Variants in ABCC1 observed in about 807,000 individuals in gnomAD.
The protein encoded by ABCC1 is ATP binding cassette subfamily C member 1 (ABCC1 blood group), also known as multidrug resistance-associated protein 1.
Under a neutral mutation model 172.9 loss-of-function variants are expected in ABCC1, and 83 were observed. That is an observed-to-expected ratio of 0.48 (90% CI 0.40 to 0.58). ABCC1 has a LOEUF of 0.58. ABCC1 is among the 20% of genes least tolerant of loss of function. The pLI is 0.00. For missense variants in ABCC1, 1,817 were observed against 2,002.7 expected (o/e 0.91, Z 1.77); for synonymous variants, 937 against 825.2 (o/e 1.14, Z -2.32).
intron 23 of ABCC1, among the ~76,000 whole-genome samples, chr16:16,119,686 C>T (rs1173679981): frequency 6.6e-6 from 1 of 152,140 alleles, no homozygotes; most frequent in East Asian, 1.9e-4. Context: ...GCGAGACTGT[C>T]TTAAAAAATA....
intron 12 of ABCC1, among the ~76,000 whole-genome samples, chr16:16,060,301 ACTCATGGGGTT>A (rs1431401235): frequency 2.6e-5 from 4 of 152,072 alleles, no homozygotes; most frequent in African/African-American, 9.7e-5. Context: ...ACCCACAGTC[ACTCATGGGGTT>A]CTTTCCCACT....
intron 26 of ABCC1, among the ~76,000 whole-genome samples, chr16:16,128,507 C>T (rs1209530490): frequency 2.0e-5 from 3 of 152,080 alleles, no homozygotes; most frequent in South Asian, 4.1e-4. Flanking sequence ...TTAGAAGGAT[C>T]GTGTTTGACA....
At chr16:15,967,504 A>G (rs1388712705) in intron 1 of ABCC1, among the ~76,000 whole-genome samples, 1 of 151,780 alleles carries the variant, frequency 6.6e-6, no homozygotes, top group Non-Finnish European at 1.5e-5. Context: ...GCACTTAGTG[A>G]TGCTGAAGTG....
At chr16:16,034,836 C>T (rs1348444955) in intron 6 of ABCC1, among the ~76,000 whole-genome samples, 2 of 151,944 alleles carry the variant, frequency 1.3e-5, no homozygotes, top group Non-Finnish European at 2.9e-5. Flanking sequence ...GATCCACCCA[C>T]GTCAGCCTCC....
intron 7 of ABCC1, among the ~76,000 whole-genome samples, chr16:16,039,801 T>C (rs1298486682): frequency 6.6e-6 from 1 of 152,056 alleles, no homozygotes; most frequent in African/African-American, 2.4e-5. Context: ...GAGTGAGCCT[T>C]GTGTGTATCT....
chr16:16,114,760 C>T lies in ABCC1; in HGVS notation c.3080-6C>T. ...ATTGTGGAGTTTTAACTCCGAGTGT[C>T]TGCAGGGATCGCCGTGTTTGGCTAC... On this transcript the variant is annotated splice_region_variant and splice_polypyrimidine_tract_variant and intron_variant, in intron 22 of 30. Transcript: ENST00000399410. The T allele has an allele frequency of 1.3e-6, 2 of 1,587,046 alleles. No individual in the cohort carries two copies. Among genetic ancestry groups the T allele is most frequent in the East Asian group, 4.5e-5 (2 of 44,346 alleles).
Position 16,136,537 on chromosome 16 carries a change from G to A in ABCC1, c.4185G>A (p.Ser1395=), listed in dbSNP as rs200975492. The A allele has an allele frequency of 7.4e-6, 12 of 1,614,134 alleles. No individual in the cohort carries two copies. The highest frequency in any genetic ancestry group is 5.3e-5 in the African/African-American group (4 of 75,022). Residue 1395 remains serine, a synonymous_variant, in exon 29 of 31, where the codon TCG becomes TCA. Coordinates refer to ENST00000399410, the MANE Select transcript of ABCC1 (RefSeq NM_004996.4). ...ACCTGGACCCATTCAGCCAGTACTC[G>A]GATGAAGAAGTCTGGACGTCCCTGG... ...RMNLDPFSQY[S]DEEVWTSLEL...
intron 1 of ABCC1, among the ~76,000 whole-genome samples, chr16:15,977,079 C>G (rs1454685419): frequency 2.0e-5 from 3 of 152,172 alleles, no homozygotes; most frequent in Non-Finnish European, 4.4e-5. Flanking sequence ...AGGCAGGACA[C>G]TCCTTGAGAT....
intron 1 of ABCC1, among the ~76,000 whole-genome samples, chr16:15,993,568 C>A (rs1353295652): frequency 1.3e-5 from 2 of 152,066 alleles, no homozygotes; most frequent in Admixed American, 1.3e-4. Flanking sequence ...AGGCCAGCGA[C>A]GCCACTCAGT....
chr16:16,125,643 G>T (rs1192101150), intron 25 of ABCC1, among the ~76,000 whole-genome samples, 167 bp from the exon 26 acceptor site: 9 of 151,394 alleles, frequency 5.9e-5, no homozygotes, highest in African/African-American at 2.2e-4. Context: ...ACATCGGCCA[G>T]GCTGGTCTCA....
Position 15,969,679 on chromosome 16 carries a change from C to CT in ABCC1, c.48+19892dup, listed in dbSNP as rs879552597. Among the ~76,000 whole-genome samples the CT allele has an allele frequency of 3.8e-3, 562 of 146,892 alleles. 3 individuals are homozygous for CT. Among genetic ancestry groups the CT allele is most frequent in the African/African-American group, 0.011 (461 of 40,296 alleles). On this transcript the variant is annotated intron_variant, in intron 1 of 30. Coordinates refer to ENST00000399410, the MANE Select transcript of ABCC1 (RefSeq NM_004996.4). ...TGAGCCACTGCTCCCAGCCCATAGT[C>CT]TTTTTTTTTTTTAAACCTCTGTGTA...
chr16:16,064,626 C>A (rs777680720), intron 12 of ABCC1, among the ~76,000 whole-genome samples: 5 of 152,198 alleles, frequency 3.3e-5, no homozygotes, highest in African/African-American at 4.8e-5. Context: ...ATGCCTGAGG[C>A]CTGGTTTGCT....
rs1279580302 is a variant in ABCC1 at position 16,039,756 on chromosome 16, G to C, written c.809+3153G>C. On this transcript the variant is annotated intron_variant, in intron 7 of 30. Coordinates refer to ENST00000399410, the MANE Select transcript of ABCC1 (RefSeq NM_004996.4). ...AGCTGACCATGTATGATTGTTTTGAGAAGGTCACATTTGAGCAGAGACTTG... is the reference window on the plus strand; with the variant it reads ...AGCTGACCATGTATGATTGTTTTGACAAGGTCACATTTGAGCAGAGACTTG... Among the ~76,000 whole-genome samples the C allele has an allele frequency of 2.6e-5, 4 of 152,138 alleles. No individual in the cohort carries two copies. The East Asian group carries it at 7.7e-4, about 29-fold the overall frequency.
rs201384888 is a variant in ABCC1, at chr16:16,007,969, A to G, written c.202A>G (p.Thr68Ala). 206 of 1,368,874 alleles carry G rather than the reference A, an allele frequency of 1.5e-4. 2 individuals are homozygous for G. The highest frequency in any genetic ancestry group is 4.1e-5 in the Admixed American group (2 of 48,834). The allele number at this position is 1,368,874 out of a possible 1,614,324, so 84.8% of individuals were successfully genotyped here. A position where few individuals can be genotyped will look rare whatever the true frequency, so the allele number is the denominator to read the frequency against. ...SRHDRGYIQM[T>A]PLNKTKTALG... ...ACATGACCGAGGCTACATTCAGATGACACCTCTCAACAAAACCAAAACTGT... is the reference window on the plus strand; with the variant it reads ...ACATGACCGAGGCTACATTCAGATGGCACCTCTCAACAAAACCAAAACTGT... Residue 68 changes from threonine (T) to alanine (A), a missense_variant, in exon 2 of 31, where the codon ACA (threonine) becomes GCA (alanine). Around this residue, in one of 3 missense-constraint regions of ABCC1, gnomAD observed 398 missense variants for 384.2 expected, o/e 1.04. Coordinates refer to ENST00000399410, the MANE Select transcript of ABCC1 (RefSeq NM_004996.4).
In ABCC1 at chr16:16,111,549, C is replaced by T. The variant is rs767315631; in HGVS notation, c.3046C>T (p.Leu1016=). 2 of 1,613,888 alleles carry T rather than the reference C, an allele frequency of 1.2e-6. No homozygotes were observed. The highest frequency in any genetic ancestry group is 1.7e-6 in the Non-Finnish European group (2 of 1,180,022). Residue 1016 remains leucine (L), a synonymous_variant, in exon 22 of 31, where the codon CTG becomes TTG. Coordinates refer to ENST00000399410, the MANE Select transcript of ABCC1 (RefSeq NM_004996.4). ...NGTQEHTKVR[L]SVYGALGISQ... is the part of the protein sequence containing the mutation. ...GACTCAGGAGCACACGAAAGTCCGG[C>T]TGAGCGTCTATGGAGCCCTGGGCAT...
intron 15 of ABCC1, among the ~76,000 whole-genome samples, chr16:16,076,610 G>A (rs765220362): frequency 6.6e-6 from 1 of 152,214 alleles, no homozygotes; most frequent in Non-Finnish European, 1.5e-5. Flanking sequence ...CTAGCACAGA[G>A]GGTTCCCTGG....
At chr16:15,967,993 A>C (rs1323701453) in intron 1 of ABCC1, among the ~76,000 whole-genome samples, 1 of 152,148 alleles carries the variant, frequency 6.6e-6, no homozygotes, top group African/African-American at 2.4e-5. Context: ...AAAACAGTGC[A>C]GAAATGAGTG....
At chr16:16,102,261 C>T (rs74530751) in intron 19 of ABCC1, among the ~76,000 whole-genome samples, 7 of 152,242 alleles carry the variant, frequency 4.6e-5, no homozygotes, top group Non-Finnish European at 8.8e-5. Flanking sequence ...TTCCCTCATG[C>T]GTTTCCTTGC....
chr16:16,034,531 A>G (rs1043994165), intron 6 of ABCC1, among the ~76,000 whole-genome samples: 1 of 151,504 alleles, frequency 6.6e-6, no homozygotes, highest in Non-Finnish European at 1.5e-5. Flanking sequence ...ATTGGAAGAG[A>G]ATACCTCCAG....
Sources: gnomAD v4.1 joint callset for allele counts (sites outside exome capture counted in the v4.1 genomes callset) on GRCh38, gnomAD v4.1.1 for gene constraint, gnomAD v4.1.1 regional missense constraint, MANE v1.5 for transcripts, NCBI Gene and HGNC (gene_info 2026-07-23, HGNC 2026-07-21) for gene names.